The following KAZN variants were observed in gnomAD, a reference collection of about 807,000 sequenced individuals.
KAZN encodes kazrin.
KAZN carries 40 observed loss-of-function variants against 87.4 expected under a neutral mutation model. The observed-to-expected ratio is 0.46, with a 90% CI of 0.36 to 0.60. The LOEUF (loss-of-function observed/expected upper bound fraction) is 0.60. Among genes scored for constraint, KAZN ranks in the 20% least tolerant of loss-of-function variants. The pLI is 0.00. For missense variants in KAZN, 898 were observed against 1,073.9 expected, an observed-to-expected ratio of 0.84 and a Z score of 2.29; for synonymous variants, 466 against 458.3, an observed-to-expected ratio of 1.02 and a Z score of -0.22.
At chr1:14,087,260 A>G (rs1643879368) in intron 1 of KAZN, among the ~76,000 whole-genome samples, 2 of 152,000 alleles carry the variant, frequency 1.3e-5, no homozygotes, top group Non-Finnish European at 2.9e-5. Flanking sequence ...TTAATTTCCA[A>G]TTTTCTTTGG....
rs147453766 is a variant in KAZN, at chr1:14,961,334, G to A, written c.418+459G>A. Among the ~76,000 whole-genome samples, 18 of 152,288 alleles carry A rather than the reference G, an allele frequency of 1.2e-4. No individual in the cohort carries two copies. In the East Asian group the frequency reaches 3.5e-3, roughly 29 times the overall value. On this transcript the variant is annotated intron_variant, in intron 2 of 14. Coordinates refer to ENST00000376030, the MANE Select transcript of KAZN (RefSeq NM_201628.3). ...TCTCCTGGGCCCAGAGGAAGGAGTT[G>A]GAAGATGACATGGTGTAGTGTCCAG...
intron 5 of KAZN, among the ~76,000 whole-genome samples, chr1:15,058,334 T>C (rs564300754): frequency 2.0e-5 from 3 of 152,352 alleles, no homozygotes; most frequent in African/African-American, 7.2e-5. Flanking sequence ...CAGATTGGAA[T>C]TGACTCCAAA....
In KAZN at chr1:14,836,708, C is replaced by T. The variant is rs188520837; in HGVS notation, c.227-123976C>T. Among the ~76,000 whole-genome samples the T allele has an allele frequency of 3.2e-3, 485 of 152,276 alleles. 1 individual carries two copies. The highest frequency in any genetic ancestry group is 5.3e-3 in the Non-Finnish European group (361 of 68,038). On this transcript the variant is annotated intron_variant, in intron 1 of 14. Transcript: ENST00000376030. ...ACCTCCACCCAAGCCAAGTCCTGCA[C>T]GATGTGGGGAGGGAAATGGAGAGGG...
intron 1 of KAZN, among the ~76,000 whole-genome samples, chr1:14,685,891 A>G (rs1483642530): frequency 1.3e-5 from 2 of 152,096 alleles, no homozygotes; most frequent in Non-Finnish European, 2.9e-5. Context: ...TTCAATTCCC[A>G]TAACTCCGTG....
At chr1:14,854,820 G>A (rs1041675976) in intron 1 of KAZN, among the ~76,000 whole-genome samples, 2 of 152,256 alleles carry the variant, frequency 1.3e-5, no homozygotes, top group Non-Finnish European at 1.5e-5. Flanking sequence ...TTCCTAAAGG[G>A]AAGGGAAGTA....
chr1:14,887,285 T>C (rs1436446909), intron 1 of KAZN, among the ~76,000 whole-genome samples: 1 of 152,234 alleles, frequency 6.6e-6, no homozygotes, highest in African/African-American at 2.4e-5. Flanking sequence ...CCCTGTGCAA[T>C]GAAGCAAAGA....
At chr1:14,576,509 A>G (rs1385086008) in intron 2 of KAZN, among the ~76,000 whole-genome samples, 4 of 152,224 alleles carry the variant, frequency 2.6e-5, no homozygotes, top group Non-Finnish European at 5.9e-5. Context: ...GCATGGACAA[A>G]TGAAAGGAAC....
At chr1:14,047,015 T>G (rs1159201707) in intron 1 of KAZN, among the ~76,000 whole-genome samples, 1 of 152,206 alleles carries the variant, frequency 6.6e-6, no homozygotes, top group Non-Finnish European at 1.5e-5. Flanking sequence ...CTCTGTCCAG[T>G]GGGTCCACTT....
At chr1:14,687,844 G>A (rs2148776638) in intron 1 of KAZN, among the ~76,000 whole-genome samples, 1 of 152,276 alleles carries the variant, frequency 6.6e-6, no homozygotes, top group South Asian at 2.1e-4. Flanking sequence ...TTTTAATTAT[G>A]CAAACCCAGG....
At chr1:14,750,011 C>T (rs1557450706) in intron 1 of KAZN, among the ~76,000 whole-genome samples, 1 of 151,196 alleles carries the variant, frequency 6.6e-6, no homozygotes, top group African/African-American at 2.4e-5. Context: ...TACCCATGAC[C>T]AAAAAAAAGG....
Position 14,905,599 on chromosome 1 carries a change from A to G in KAZN, c.227-55085A>G, listed in dbSNP as rs146038674. ...AGTGGCTCACGCCTATAATCCCAGCACTTTGGGAGGCTGAGGAGGGCGGAT... is the reference window on the plus strand; with the variant it reads ...AGTGGCTCACGCCTATAATCCCAGCGCTTTGGGAGGCTGAGGAGGGCGGAT... On this transcript the variant is annotated intron_variant, in intron 1 of 14. Coordinates refer to ENST00000376030, the MANE Select transcript of KAZN (RefSeq NM_201628.3). 6.0e-3 allele frequency among the ~76,000 whole-genome samples: 913 copies of G among 152,350 alleles called. 37 individuals carry two copies. The East Asian group carries it at 0.088, about 15-fold the overall frequency.
chr1:14,965,734 G>A (rs1664388726), intron 2 of KAZN, among the ~76,000 whole-genome samples: 1 of 152,096 alleles, frequency 6.6e-6, no homozygotes. Context: ...ATCTGTGTAT[G>A]TAAATCTGTT....
At chr1:14,782,068 AC>A (rs1332021665) in intron 1 of KAZN, among the ~76,000 whole-genome samples, 1 of 152,208 alleles carries the variant, frequency 6.6e-6, no homozygotes, top group Non-Finnish European at 1.5e-5. Flanking sequence ...GTAAAGGTTT[AC>A]AATAGTGTCT....
chr1:13,960,569 T>C (rs1641712368), intron 1 of KAZN, among the ~76,000 whole-genome samples: 1 of 152,178 alleles, frequency 6.6e-6, no homozygotes, highest in East Asian at 1.9e-4. Context: ...GCAGCCACAG[T>C]GACCTCTGGT....
intron 2 of KAZN, among the ~76,000 whole-genome samples, chr1:14,221,030 G>T (rs900629841): frequency 5.9e-5 from 9 of 152,142 alleles, no homozygotes; most frequent in Non-Finnish European, 8.8e-5. Context: ...GGCTAATCAG[G>T]TAGGTTGTGT....
intron 2 of KAZN, chr1:14,391,402 GC>G (rs1662411030): frequency 6.6e-6 from 1 of 152,286 alleles, no homozygotes. Context: ...ATACACAACT[GC>G]CTGCTCAACC....
At chr1:15,039,455 C>A (rs1043829172) in intron 3 of KAZN, among the ~76,000 whole-genome samples, 1 of 151,738 alleles carries the variant, frequency 6.6e-6, no homozygotes, top group East Asian at 1.9e-4. Flanking sequence ...TTTTCAACAA[C>A]CCAAGGCCGA....
chr1:14,928,860 G>T (rs1659472427), intron 1 of KAZN, among the ~76,000 whole-genome samples: 1 of 152,158 alleles, frequency 6.6e-6, no homozygotes. Context: ...TCAACCTGTG[G>T]TCCGGCACCC....
intron 2 of KAZN, among the ~76,000 whole-genome samples, chr1:14,514,582 ATTTTT>A (rs1277980372): frequency 1.7e-5 from 2 of 117,802 alleles, no homozygotes; most frequent in African/African-American, 3.2e-5. Context: ...TATTTTATAT[ATTTTT>A]TTATATTTTA....
Sources: allele counts gnomAD v4.1 joint callset (sites outside exome capture counted in the v4.1 genomes callset), GRCh38; gene constraint gnomAD v4.1.1; transcripts MANE v1.5; gene names NCBI Gene and HGNC (gene_info 2026-07-23, HGNC 2026-07-21).